SMAD3: variants seen among roughly 807,000 people sequenced by gnomAD.
SMAD3 encodes the protein MAD homolog 3.
Under a neutral mutation model 51.8 loss-of-function variants are expected in SMAD3, and 12 were observed. The observed-to-expected ratio is 0.23, with a 90% CI of 0.15 to 0.38. The LOEUF is 0.38. Among genes scored for constraint, SMAD3 ranks in the 10% least tolerant of loss-of-function variants. The probability of loss-of-function intolerance (pLI) is 1.00; values close to 1 mark genes in which losing one functional copy is unlikely to be tolerated. For missense variants in SMAD3, 294 were observed against 565.6 expected, an observed-to-expected ratio of 0.52 and a Z score of 4.87; for synonymous variants, 238 against 227.7, an observed-to-expected ratio of 1.05 and a Z score of -0.41.
intron 1 of SMAD3, among the ~76,000 whole-genome samples, chr15:67,139,536 C>T (rs1179149181): frequency 6.6e-6 from 1 of 152,094 alleles, no homozygotes; most frequent in African/African-American, 2.4e-5. Context: ...TTAAGGTGTA[C>T]TTAAAGCTGT....
At chr15:67,083,325 C>T (rs1300954170) in intron 1 of SMAD3, among the ~76,000 whole-genome samples, 4 of 152,178 alleles carry the variant, frequency 2.6e-5, no homozygotes, top group African/African-American at 9.7e-5. Context: ...TGTTTACCAT[C>T]GCCTGTTTAT....
chr15:67,147,043 AGCCTGTTT>A (rs1961994704), intron 1 of SMAD3: 1 of 152,158 alleles, frequency 6.6e-6, no homozygotes, highest in Admixed American at 6.5e-5. Flanking sequence ...CCTTCCACGG[AGCCTGTTT>A]GAGAATTCAG....
At chr15:67,074,406 C>T (rs1386571742) in intron 1 of SMAD3, among the ~76,000 whole-genome samples, 1 of 152,218 alleles carries the variant, frequency 6.6e-6, no homozygotes, top group Non-Finnish European at 1.5e-5. Flanking sequence ...GCTCATATGT[C>T]AAAGTTTACC....
At chr15:67,105,640 A>G (rs1217659739) in intron 1 of SMAD3, among the ~76,000 whole-genome samples, 1 of 152,178 alleles carries the variant, frequency 6.6e-6, no homozygotes, top group African/African-American at 2.4e-5. Context: ...CCTGTGCTGC[A>G]TTTTTGGCAC....
intron 1 of SMAD3, among the ~76,000 whole-genome samples, chr15:67,084,770 A>G (rs111542144): frequency 1.8e-4 from 28 of 152,356 alleles, no homozygotes; most frequent in African/African-American, 6.3e-4. Flanking sequence ...CCTGAAGCAC[A>G]GGTTTTCTGT....
chr15:67,172,200 C>T (rs980276009), intron 5 of SMAD3, among the ~76,000 whole-genome samples: 3 of 151,720 alleles, frequency 2.0e-5, no homozygotes, highest in African/African-American at 4.9e-5. Flanking sequence ...TGACATAATT[C>T]TCCCTCCCTA....
chr15:67,101,796 C>CT (rs1960763816), intron 1 of SMAD3, among the ~76,000 whole-genome samples: 1 of 152,224 alleles, frequency 6.6e-6, no homozygotes, highest in Non-Finnish European at 1.5e-5. Flanking sequence ...TTTCTGGCCT[C>CT]TCCTATCTTA....
chr15:67,183,024 T>TAC lies in SMAD3; in HGVS notation c.871+1572_871+1573insCA, dbSNP rs1567000795. Reference sequence around the variant, plus strand: ...AAATATATATATATATATATATATATATATATATTTTTTTTTTTTTTTTTT... The same window carrying TAC: ...AAATATATATATATATATATATATATACATATATATTTTTTTTTTTTTTTTTT... On this transcript the variant is annotated intron_variant, in intron 6 of 8. Coordinates refer to ENST00000327367, the MANE Select transcript of SMAD3 (RefSeq NM_005902.4). Among the ~76,000 whole-genome samples, 73 of 75,412 alleles carry TAC rather than the reference T, an allele frequency of 9.7e-4. 2 individuals carry two copies. The highest frequency in any genetic ancestry group is 1.5e-3 in the Admixed American group (9 of 6,194). 49.5% of individuals were successfully genotyped at this position (75,412 alleles called of 152,430 possible). A position where few individuals can be genotyped will look rare whatever the true frequency, so the allele number is the denominator to read the frequency against.
chr15:67,108,658 A>G (rs1960934938), intron 1 of SMAD3, among the ~76,000 whole-genome samples: 3 of 152,248 alleles, frequency 2.0e-5, no homozygotes, highest in Admixed American at 2.0e-4. Flanking sequence ...GCTCCATGGG[A>G]CTGGTCTCTG....
chr15:67,111,928 C>T (rs1305953550), intron 1 of SMAD3, among the ~76,000 whole-genome samples: 18 of 151,982 alleles, frequency 1.2e-4, no homozygotes, highest in Middle Eastern at 3.4e-3. Flanking sequence ...ACTGGGATTA[C>T]GGGTGTGTGC....
chr15:67,099,420 A>G (rs1372179466), intron 1 of SMAD3, among the ~76,000 whole-genome samples: 1 of 152,256 alleles, frequency 6.6e-6, no homozygotes, highest in Non-Finnish European at 1.5e-5. Flanking sequence ...CATTTTGAAA[A>G]ATGGAGAATT....
At chr15:67,135,727 GC>G (rs1162370335) in intron 1 of SMAD3, among the ~76,000 whole-genome samples, 1 of 152,118 alleles carries the variant, frequency 6.6e-6, no homozygotes, top group Non-Finnish European at 1.5e-5. Context: ...TCTCTAAGAT[GC>G]CAGAAGCATT....
At chr15:67,103,892 A>G (rs1270798841) in intron 1 of SMAD3, among the ~76,000 whole-genome samples, 1 of 152,164 alleles carries the variant, frequency 6.6e-6, no homozygotes, top group Non-Finnish European at 1.5e-5. Context: ...GATTGATTAG[A>G]GAGGCTATTT....
intron 5 of SMAD3, among the ~76,000 whole-genome samples, chr15:67,179,006 G>A (rs1326805681): frequency 1.3e-5 from 2 of 152,280 alleles, no homozygotes; most frequent in South Asian, 2.1e-4. Context: ...TCACAGAATC[G>A]GGCTATTATC....
rs143449159 is a variant in SMAD3, at chr15:67,185,529, C to G, written c.1009+665C>G. Among the ~76,000 whole-genome samples the G allele has an allele frequency of 4.5e-4, 69 of 152,162 alleles. No individual in the cohort carries two copies. The East Asian group carries it at 0.01, about 22-fold the overall frequency. On this transcript the variant is annotated intron_variant, in intron 7 of 8. Coordinates refer to ENST00000327367, the MANE Select transcript of SMAD3 (RefSeq NM_005902.4). Reference sequence around the variant, plus strand: ...GCTGGAGGAGGGTCATGTATGAGACCGTCAGGGGAAATGTTTCAAAAGCAC... The same window carrying G: ...GCTGGAGGAGGGTCATGTATGAGACGGTCAGGGGAAATGTTTCAAAAGCAC...
intron 1 of SMAD3, among the ~76,000 whole-genome samples, chr15:67,153,811 C>A (rs1962212538): frequency 6.6e-6 from 1 of 152,170 alleles, no homozygotes; most frequent in Admixed American, 6.5e-5. Context: ...AAATCCATAG[C>A]CTGATGTTGA....
chr15:67,113,135 G>T (rs1405689040), intron 1 of SMAD3, among the ~76,000 whole-genome samples: 1 of 114,596 alleles, frequency 8.7e-6, no homozygotes, highest in Non-Finnish European at 1.7e-5. Context: ...CCAGGCTGGA[G>T]TGCAGTAGTG....
intron 1 of SMAD3, chr15:67,146,975 A>G (rs1961992274): frequency 6.6e-6 from 1 of 152,168 alleles, no homozygotes; most frequent in Non-Finnish European, 1.5e-5. Flanking sequence ...AGCAGCCTCC[A>G]AAGATTCCCC....
intron 1 of SMAD3, among the ~76,000 whole-genome samples, chr15:67,097,842 G>A (rs530232917): frequency 1.3e-5 from 2 of 152,160 alleles, no homozygotes; most frequent in Non-Finnish European, 2.9e-5. Flanking sequence ...TAACTTCCAA[G>A]ATTCTGTGAG....
Sources: allele counts gnomAD v4.1 joint callset (sites outside exome capture counted in the v4.1 genomes callset), GRCh38; gene constraint gnomAD v4.1.1; transcripts MANE v1.5; gene names NCBI Gene and HGNC (gene_info 2026-07-23, HGNC 2026-07-21).